The following DCDC1 variants were observed in gnomAD, a reference collection of about 807,000 sequenced individuals.
DCDC1 encodes the protein doublecortin domain-containing protein 1.
DCDC1 carries 200 observed loss-of-function variants against 178.3 expected under a neutral mutation model. That is an observed-to-expected ratio of 1.12 (90% confidence interval 1.00 to 1.26). DCDC1 has a LOEUF of 1.26. DCDC1 is among the 50% of genes most tolerant of loss of function. DCDC1 has a pLI of 0.00. For missense variants in DCDC1, 1,983 were observed against 1,749.2 expected (o/e 1.13, Z -2.38); for synonymous variants, 690 against 604.8 (o/e 1.14, Z -2.07).
At chr11:31,111,853 G>A (rs1354691231) in intron 11 of DCDC1, among the ~76,000 whole-genome samples, 1 of 152,104 alleles carries the variant, frequency 6.6e-6, no homozygotes, top group Non-Finnish European at 1.5e-5. Flanking sequence ...GAGTCAGAGT[G>A]CAGCAAATTA....
chr11:30,970,118 T>C (rs1949696489), intron 20 of DCDC1, among the ~76,000 whole-genome samples: 1 of 152,006 alleles, frequency 6.6e-6, no homozygotes, highest in Non-Finnish European at 1.5e-5. Context: ...GGGGAAAGGG[T>C]AAGTAAGATA....
intron 9 of DCDC1, among the ~76,000 whole-genome samples, chr11:31,239,305 T>G (rs1976826403): frequency 6.6e-6 from 1 of 152,036 alleles, no homozygotes; most frequent in South Asian, 2.1e-4. Flanking sequence ...CATTAATTCT[T>G]AAGAAGGATA....
chr11:31,265,499 C>T lies in DCDC1; in HGVS notation c.1054+8G>A, dbSNP rs1007525556. On this transcript the variant is annotated splice_region_variant and intron_variant, in intron 8 of 38. Transcript: ENST00000684477. ...TATCAAATGGTTTACAAAATCTTTGCCACTTACCTTTTGAAATATCTTCAA... is the reference window on the plus strand; with the variant it reads ...TATCAAATGGTTTACAAAATCTTTGTCACTTACCTTTTGAAATATCTTCAA... 14 of 1,383,042 alleles carry T rather than the reference C, an allele frequency of 1.0e-5. No individual in the cohort carries two copies. Among genetic ancestry groups the T allele is most frequent in the East Asian group, 2.7e-5 (1 of 36,558 alleles). 85.7% of individuals were successfully genotyped at this position (1,383,042 alleles called of 1,614,324 possible). A position where few individuals can be genotyped will look rare whatever the true frequency, so the allele number is the denominator to read the frequency against.
At chr11:31,062,487 G>A (rs1955988244) in intron 20 of DCDC1, among the ~76,000 whole-genome samples, 1 of 152,090 alleles carries the variant, frequency 6.6e-6, no homozygotes, top group Admixed American at 6.6e-5. Flanking sequence ...GAGCATCAGG[G>A]AGCTGAGAAT....
At chr11:31,091,707 G>A (rs962502083) in intron 16 of DCDC1, among the ~76,000 whole-genome samples, 196 bp from the exon 17 acceptor site, 1 of 152,246 alleles carries the variant, frequency 6.6e-6, no homozygotes, top group South Asian at 2.1e-4. Context: ...TCCAACAAGG[G>A]TGGCATTTTA....
At chr11:31,018,461 A>G (rs1476714546) in intron 20 of DCDC1, among the ~76,000 whole-genome samples, 1 of 152,198 alleles carries the variant, frequency 6.6e-6, no homozygotes, top group African/African-American at 2.4e-5. Flanking sequence ...TAAGCGCCAG[A>G]TGCCCTATGC....
intron 20 of DCDC1, among the ~76,000 whole-genome samples, chr11:31,042,442 T>G (rs1954524830): frequency 6.6e-6 from 1 of 152,190 alleles, no homozygotes; most frequent in Admixed American, 6.5e-5. Context: ...TTAAAATGTC[T>G]TTGTGAAAAA....
chr11:31,168,536 TAAACC>T (rs756681890), intron 9 of DCDC1, among the ~76,000 whole-genome samples: 14 of 152,226 alleles, frequency 9.2e-5, no homozygotes, highest in Non-Finnish European at 1.9e-4. Flanking sequence ...ACTGATATGT[TAAACC>T]AAATGAGGCA....
Position 30,906,587 on chromosome 11 carries a change from G to C in DCDC1, c.4057C>G (p.Gln1353Glu). 2 of 1,613,282 alleles carry C rather than the reference G, an allele frequency of 1.2e-6. No homozygotes were observed. The highest frequency in any genetic ancestry group is 2.2e-5 in the East Asian group (1 of 44,816). ...PFLCISGTKT[Q>E]KPFLQGPFKV... is the part of the protein sequence containing the mutation. Reference sequence around the variant, plus strand: ...AAGGGCCCTTGTAAGAAGGGCTTCTGAGTCTTGGTGCCTGAAATACAGAGG... The same window carrying C: ...AAGGGCCCTTGTAAGAAGGGCTTCTCAGTCTTGGTGCCTGAAATACAGAGG... The change falls in exon 30 of 39, where the codon CAG (glutamine) becomes GAG (glutamate). Residue 1353 changes from glutamine to glutamate, a missense_variant. Coordinates refer to ENST00000684477, the MANE Select transcript of DCDC1 (RefSeq NM_001387274.1).
intron 34 of DCDC1, among the ~76,000 whole-genome samples, chr11:30,895,883 C>A (rs1265956552): frequency 6.6e-6 from 1 of 152,104 alleles, no homozygotes; most frequent in Non-Finnish European, 1.5e-5. Flanking sequence ...TTATAAATAA[C>A]ATTTCAACAA....
intron 1 of DCDC1, among the ~76,000 whole-genome samples, chr11:31,345,366 G>A (rs184545317): frequency 7.9e-5 from 12 of 152,266 alleles, no homozygotes; most frequent in African/African-American, 2.9e-4. Context: ...GGCTAGAAAC[G>A]TTATGTATAT....
At chr11:31,187,630 C>G (rs1042205012) in intron 9 of DCDC1, among the ~76,000 whole-genome samples, 5 of 152,160 alleles carry the variant, frequency 3.3e-5, no homozygotes, top group Admixed American at 6.5e-5. Flanking sequence ...ATTCCTTGAC[C>G]ATAGACTTCA....
intron 1 of DCDC1, among the ~76,000 whole-genome samples, chr11:31,354,191 C>A (rs1431854080): frequency 6.6e-6 from 1 of 152,134 alleles, no homozygotes; most frequent in African/African-American, 2.4e-5. Context: ...GAGGCTGAGG[C>A]AGGAGAATCT....
chr11:31,064,906 C>T, intron 19 of DCDC1, 113 bp downstream of exon 19: 1 of 585,462 alleles, frequency 1.7e-6, no homozygotes, highest in Non-Finnish European at 3.0e-6. Flanking sequence ...CTATCCATAA[C>T]ATTAAGTTGT....
intron 1 of DCDC1, among the ~76,000 whole-genome samples, chr11:31,358,184 A>G (rs1436284865): frequency 2.6e-5 from 4 of 151,892 alleles, no homozygotes; most frequent in Non-Finnish European, 4.4e-5. Context: ...CTGACTTCAA[A>G]CTATACTACA....
chr11:31,137,508 C>T lies in DCDC1; in HGVS notation c.1314+184G>A, dbSNP rs186910867. 5.3e-3 allele frequency among the ~76,000 whole-genome samples: 805 copies of T among 152,164 alleles called. 4 individuals carry two copies. Among genetic ancestry groups the T allele is most frequent in the Non-Finnish European group, 8.6e-3 (585 of 67,992 alleles). ...GGGATTACAGGCGCCCGCCACCACG[C>T]CCAGCTAATTTTTGTATTTTTAGTA... is the stretch of plus-strand genomic sequence containing the variant. On this transcript the variant is annotated intron_variant, in intron 10 of 38. Transcript: ENST00000684477.
At chr11:31,278,783 C>A (rs1565538983) in intron 7 of DCDC1, among the ~76,000 whole-genome samples, 1 of 151,914 alleles carries the variant, frequency 6.6e-6, no homozygotes, top group Non-Finnish European at 1.5e-5. Flanking sequence ...ACCATAAATA[C>A]ATAAAATTTT....
At chr11:31,018,755 T>A (rs950597895) in intron 20 of DCDC1, among the ~76,000 whole-genome samples, 1 of 152,182 alleles carries the variant, frequency 6.6e-6, no homozygotes, top group Non-Finnish European at 1.5e-5. Context: ...ATATTTAGTA[T>A]AATGTTGTGA....
intron 13 of DCDC1, among the ~76,000 whole-genome samples, chr11:31,106,524 A>G (rs1231770825): frequency 6.6e-6 from 1 of 152,224 alleles, no homozygotes; most frequent in Non-Finnish European, 1.5e-5. Context: ...GTGACTACTC[A>G]GACATGAACA....
Sources: allele counts gnomAD v4.1 joint callset (sites outside exome capture counted in the v4.1 genomes callset), GRCh38; gene constraint gnomAD v4.1.1; transcripts MANE v1.5; gene names NCBI Gene and HGNC (gene_info 2026-07-23, HGNC 2026-07-21).